RAB3C: variants seen among roughly 807,000 people sequenced by gnomAD.
RAB3C encodes ras-related protein Rab-3C.
RAB3C carries 17 observed loss-of-function variants against 26.4 expected under a neutral mutation model. The observed-to-expected ratio is 0.64, with a 90% CI of 0.44 to 0.97. RAB3C has a LOEUF of 0.97. Ranked by LOEUF, RAB3C falls within the 50% of genes least tolerant of loss-of-function variation. RAB3C has a pLI of 0.00. For missense variants in RAB3C, 242 were observed against 281.9 expected (o/e 0.86, Z 1.01); for synonymous variants, 91 against 95.9 (o/e 0.95, Z 0.30).
chr5:58,843,178 T>C (rs1743913799), intron 4 of RAB3C, among the ~76,000 whole-genome samples: 1 of 152,248 alleles, frequency 6.6e-6, no homozygotes, highest in Non-Finnish European at 1.5e-5. Context: ...ATGTACTTAA[T>C]AAATGTTAGT....
At chr5:58,823,056 G>A in intron 3 of RAB3C, 1 of 548,328 alleles carries the variant, frequency 1.8e-6, no homozygotes, top group Non-Finnish European at 3.5e-6. Flanking sequence ...TTCCCTGCTT[G>A]TGATTCTGAA....
chr5:58,633,743 G>C (rs1273060136), intron 2 of RAB3C, among the ~76,000 whole-genome samples: 1 of 152,100 alleles, frequency 6.6e-6, no homozygotes, highest in Non-Finnish European at 1.5e-5. Context: ...TGGCCCACAG[G>C]AGATCTCAGT....
At chr5:58,700,970 TTTTATTTATTTATTTATTTA>T (rs150630099) in intron 2 of RAB3C, among the ~76,000 whole-genome samples, 8 of 148,280 alleles carry the variant, frequency 5.4e-5, no homozygotes, top group South Asian at 2.2e-4. Flanking sequence ...CTTAAAAATC[TTTTATTTATTTATTTATTTA>T]TTTATTTATT....
chr5:58,809,652 G>A (rs544996344), intron 3 of RAB3C, among the ~76,000 whole-genome samples: 2 of 152,122 alleles, frequency 1.3e-5, no homozygotes, highest in Non-Finnish European at 2.9e-5. Flanking sequence ...GCCTCTGAGA[G>A]GTAATTAGTT....
chr5:58,837,557 C>CT (rs36020735), intron 4 of RAB3C, among the ~76,000 whole-genome samples: 11,737 of 118,850 alleles, frequency 0.099, 1,843 homozygotes, highest in African/African-American at 0.32. Flanking sequence ...TTCAGTCTCT[C>CT]TTTTTTTTTT....
chr5:58,699,970 C>T (rs1245896259), intron 2 of RAB3C, among the ~76,000 whole-genome samples: 2 of 152,204 alleles, frequency 1.3e-5, no homozygotes, highest in East Asian at 1.9e-4. Context: ...GTGGGCTGCA[C>T]CCACTCTCCA....
At position 58,857,193 on chromosome 5, in the gene RAB3C, C is replaced by T. The variant is rs1352595274; in HGVS notation, c.*5842C>T. 6.6e-6 allele frequency: 1 copy of T among 152,054 alleles called. No homozygotes were observed. Among genetic ancestry groups the T allele is most frequent in the African/African-American group, 2.4e-5 (1 of 41,414 alleles). The allele number at this position is 152,054 out of a possible 1,614,324, so 9.4% of individuals were successfully genotyped here. A position where few individuals can be genotyped will look rare whatever the true frequency, so the allele number is the denominator to read the frequency against. ...TGCTTTGATAGCTGTGTGACTTATT[C>T]AAATGATTTTCTTGTAGCTGTATTT... is the stretch of plus-strand genomic sequence containing the variant. On this transcript the variant is annotated 3_prime_UTR_variant, in exon 5 of 5. Transcript: ENST00000282878.
chr5:58,661,860 G>T (rs17280636), intron 2 of RAB3C, among the ~76,000 whole-genome samples: 1 of 149,114 alleles, frequency 6.7e-6, no homozygotes, highest in African/African-American at 2.6e-5. Context: ...GTTAGAGAAC[G>T]CATGCAAAAC....
chr5:58,773,253 C>T (rs550834749), intron 3 of RAB3C, among the ~76,000 whole-genome samples: 1 of 152,170 alleles, frequency 6.6e-6, no homozygotes, highest in South Asian at 2.1e-4. Context: ...CATACTGCTC[C>T]TACTTAGTAT....
At chr5:58,584,129 A>G (rs1745963780) in intron 1 of RAB3C, among the ~76,000 whole-genome samples, 1 of 152,216 alleles carries the variant, frequency 6.6e-6, no homozygotes, top group African/African-American at 2.4e-5. Flanking sequence ...AGAAAACATC[A>G]TTTGGAATGT....
intron 4 of RAB3C, among the ~76,000 whole-genome samples, chr5:58,836,145 T>C (rs1028266282): frequency 3.3e-5 from 5 of 152,162 alleles, no homozygotes; most frequent in African/African-American, 9.7e-5. Context: ...CTTTTATCAA[T>C]AGAAAAAATA....
chr5:58,696,228 T>C lies in RAB3C; in HGVS notation c.253-29774T>C, dbSNP rs374572114. On this transcript the variant is annotated intron_variant, in intron 2 of 4. Coordinates refer to ENST00000282878, the MANE Select transcript of RAB3C (RefSeq NM_138453.4). ...CTGTTTATGTGATGAATTACGTTTA[T>C]TGATTAGCATATGTTGAACCAGCCT... Among the ~76,000 whole-genome samples, 5 of 152,334 alleles carry C rather than the reference T, an allele frequency of 3.3e-5. No individual in the cohort carries two copies. The East Asian group carries it at 9.6e-4, about 29-fold the overall frequency.
At chr5:58,654,107 CT>C (rs1747713598) in intron 2 of RAB3C, among the ~76,000 whole-genome samples, 1 of 152,078 alleles carries the variant, frequency 6.6e-6, no homozygotes, top group Non-Finnish European at 1.5e-5. Context: ...TCAGGTGGCA[CT>C]TTTTGTTAGA....
At chr5:58,821,437 G>A (rs978744969) in intron 3 of RAB3C, among the ~76,000 whole-genome samples, 1 of 152,160 alleles carries the variant, frequency 6.6e-6, no homozygotes, top group Non-Finnish European at 1.5e-5. Context: ...ATTAGCATTT[G>A]TTACTTAAAG....
At chr5:58,800,304 A>G (rs1313316032) in intron 3 of RAB3C, among the ~76,000 whole-genome samples, 2 of 152,206 alleles carry the variant, frequency 1.3e-5, no homozygotes, top group African/African-American at 4.8e-5. Flanking sequence ...AATTTTATAA[A>G]TTGCTGACAA....
intron 2 of RAB3C, among the ~76,000 whole-genome samples, chr5:58,632,117 T>C (rs961062602): frequency 2.6e-5 from 4 of 152,222 alleles, no homozygotes; most frequent in African/African-American, 9.6e-5. Context: ...CACTCAAGTT[T>C]GCAGATGGCC....
At chr5:58,824,623 G>A (rs1466714940) in intron 3 of RAB3C, among the ~76,000 whole-genome samples, 1 of 152,094 alleles carries the variant, frequency 6.6e-6, no homozygotes, top group South Asian at 2.1e-4. Context: ...TAAATAGGTT[G>A]GGCAGCCATC....
chr5:58,731,181 C>T lies in RAB3C; in HGVS notation c.371+5061C>T, dbSNP rs188609207. Among the ~76,000 whole-genome samples the T allele has an allele frequency of 7.2e-5, 11 of 152,104 alleles. No individual in the cohort carries two copies. In the East Asian group the frequency reaches 1.2e-3, roughly 16 times the overall value. ...GAGATTCAGAGAGAGTAGCAAGCAG[C>T]GAGCTAACAGATTATTTTGAGGAAA... On this transcript the variant is annotated intron_variant, in intron 3 of 4. Transcript: ENST00000282878.
intron 3 of RAB3C, among the ~76,000 whole-genome samples, chr5:58,765,770 G>A (rs1485580364): frequency 6.6e-6 from 1 of 152,102 alleles, no homozygotes; most frequent in African/African-American, 2.4e-5. Flanking sequence ...ATGGTGATAT[G>A]GTTTGGATTT....
Sources: gnomAD v4.1 joint callset for allele counts (sites outside exome capture counted in the v4.1 genomes callset) on GRCh38, gnomAD v4.1.1 for gene constraint, MANE v1.5 for transcripts, NCBI Gene and HGNC (gene_info 2026-07-23, HGNC 2026-07-21) for gene names.